The following RAB27B variants were observed in gnomAD, a reference collection of about 807,000 sequenced individuals.
RAB27B encodes the protein ras-related protein Rab-27B.
RAB27B carries 15 observed loss-of-function variants against 24.6 expected under a neutral mutation model. The observed-to-expected ratio is 0.61, with a 90% CI of 0.41 to 0.94. RAB27B has a LOEUF of 0.94. Among genes scored for constraint, RAB27B ranks in the 40% least tolerant of loss-of-function variants. The pLI is 0.00. For missense variants in RAB27B, 261 were observed against 266.8 expected, an observed-to-expected ratio of 0.98 and a Z score of 0.15; for synonymous variants, 105 against 92.5, an observed-to-expected ratio of 1.14 and a Z score of -0.78.
intron 2 of RAB27B, among the ~76,000 whole-genome samples, chr18:54,742,655 G>A (rs1469820285): frequency 6.6e-6 from 1 of 152,164 alleles, no homozygotes; most frequent in Non-Finnish European, 1.5e-5. Context: ...ACAGCTGAGT[G>A]GTAGGTGTAA....
chr18:54,788,050 A>G (rs930459478), intron 2 of RAB27B, among the ~76,000 whole-genome samples: 5 of 152,180 alleles, frequency 3.3e-5, no homozygotes, highest in Admixed American at 1.3e-4. Flanking sequence ...ATGTACATCA[A>G]TGTTTTTGGT....
At chr18:54,719,747 G>A (rs1186038384) in intron 2 of RAB27B, among the ~76,000 whole-genome samples, 1 of 151,942 alleles carries the variant, frequency 6.6e-6, no homozygotes, top group Non-Finnish European at 1.5e-5. Flanking sequence ...TAAACTTTGT[G>A]TTATTAAAGT....
At chr18:54,872,843 C>T (rs1056595288) in intron 1 of RAB27B, among the ~76,000 whole-genome samples, 1 of 152,082 alleles carries the variant, frequency 6.6e-6, no homozygotes, top group African/African-American at 2.4e-5. Flanking sequence ...AATTTATACA[C>T]TCAACAAATA....
chr18:54,752,604 A>G (rs1907869220), intron 2 of RAB27B, among the ~76,000 whole-genome samples: 2 of 152,280 alleles, frequency 1.3e-5, no homozygotes, highest in East Asian at 1.9e-4. Context: ...AAGGTTTTCT[A>G]TTTGGGGTTT....
chr18:54,763,691 A>G (rs1003406591), intron 2 of RAB27B, among the ~76,000 whole-genome samples: 1 of 152,102 alleles, frequency 6.6e-6, no homozygotes, highest in Non-Finnish European at 1.5e-5. Context: ...CTGCCATTTG[A>G]ATGTATTTGA....
chr18:54,841,154 CG>C (rs147175917), intron 1 of RAB27B, among the ~76,000 whole-genome samples: 129 of 8,616 alleles, frequency 0.015, 14 homozygotes, highest in African/African-American at 0.022. Flanking sequence ...CTTTGGGTGG[CG>C]GGGCGGTGGG....
chr18:54,836,237 A>G (rs982021746), intron 1 of RAB27B, among the ~76,000 whole-genome samples: 3 of 151,978 alleles, frequency 2.0e-5, no homozygotes, highest in African/African-American at 7.3e-5. Context: ...TGCTTTGAAG[A>G]TGAATTTCCC....
At chr18:54,783,602 A>C (rs1488517429) in intron 2 of RAB27B, among the ~76,000 whole-genome samples, 1 of 152,024 alleles carries the variant, frequency 6.6e-6, no homozygotes, top group African/African-American at 2.4e-5. Context: ...GATTGTAACA[A>C]ACTCTAGCTT....
chr18:54,887,831 AGATAAGCACATTGTGACTG>A (rs1568117426), intron 4 of RAB27B, among the ~76,000 whole-genome samples, 145 bp from the exon 5 acceptor site: 1 of 152,170 alleles, frequency 6.6e-6, no homozygotes, highest in Non-Finnish European at 1.5e-5. Context: ...TCCGTTTTAC[AGATAAGCACATTGTGACTG>A]GGAAGAGGAA....
intron 2 of RAB27B, among the ~76,000 whole-genome samples, chr18:54,806,663 T>C (rs1251939505): frequency 6.6e-6 from 1 of 151,266 alleles, no homozygotes; most frequent in Non-Finnish European, 1.5e-5. Flanking sequence ...GATGGTTAGA[T>C]TGGCTTTCAG....
In RAB27B at chr18:54,889,458, C is replaced by CT; in HGVS notation, c.*49dup. On this transcript the variant is annotated 3_prime_UTR_variant, in exon 6 of 6. Transcript: ENST00000262094. ...CATCAAGAACCCCACCAAAATATTA[C>CT]TTTTAAAAACAATGACAAACCACAC... 2 of 1,509,588 alleles carry CT rather than the reference C, an allele frequency of 1.3e-6. No homozygotes were observed. Among genetic ancestry groups the CT allele is most frequent in the Non-Finnish European group, 1.8e-6 (2 of 1,120,430 alleles). The allele number at this position is 1,509,588 out of a possible 1,614,324, so 93.5% of individuals were successfully genotyped here. A position where few individuals can be genotyped will look rare whatever the true frequency, so the allele number is the denominator to read the frequency against.
At chr18:54,768,309 C>T (rs1010197696) in intron 2 of RAB27B, among the ~76,000 whole-genome samples, 1 of 152,030 alleles carries the variant, frequency 6.6e-6, no homozygotes, top group African/African-American at 2.4e-5. Context: ...TGGCTTGTGG[C>T]TGGAAGCAGC....
Position 54,832,121 on chromosome 18 carries a change from T to A in RAB27B, c.-20+3421T>A, listed in dbSNP as rs146380848. The stretch of plus-strand genomic sequence containing the variant: ...CTCTGGCTTCCTTGAAGAGACTAAG[T>A]CGTAGGGTGACCAGAGTAGAAGAGA... On this transcript the variant is annotated intron_variant, in intron 1 of 5. Transcript: ENST00000262094. Among the ~76,000 whole-genome samples the A allele has an allele frequency of 8.5e-5, 13 of 152,098 alleles. No individual in the cohort carries two copies. In the East Asian group the frequency reaches 2.3e-3, roughly 27 times the overall value.
At chr18:54,755,152 GGCC>G (rs1568053688) in intron 2 of RAB27B, among the ~76,000 whole-genome samples, 1 of 152,082 alleles carries the variant, frequency 6.6e-6, no homozygotes. Flanking sequence ...CACTTTGAGG[GGCC>G]CAGGCAGGCG....
intron 1 of RAB27B, among the ~76,000 whole-genome samples, chr18:54,849,393 C>T (rs1394486352): frequency 1.3e-5 from 2 of 152,116 alleles, no homozygotes; most frequent in African/African-American, 4.8e-5. Flanking sequence ...ATCTTCTTTC[C>T]TCCCACTCTG....
At chr18:54,856,276 C>T (rs991855676) in intron 1 of RAB27B, among the ~76,000 whole-genome samples, 2 of 152,192 alleles carry the variant, frequency 1.3e-5, no homozygotes, top group African/African-American at 4.8e-5. Flanking sequence ...GTAGAGAGAA[C>T]TGCAGTGCAA....
intron 1 of RAB27B, among the ~76,000 whole-genome samples, chr18:54,832,053 T>C (rs4404157): frequency 0.96 from 145,894 of 152,232 alleles, 70,261 homozygotes; most frequent in East Asian, 1. Context: ...GGATTACAGA[T>C]GTGAGCCACC....
intron 2 of RAB27B, among the ~76,000 whole-genome samples, chr18:54,754,466 T>C (rs746496244): frequency 2.0e-5 from 3 of 152,154 alleles, no homozygotes; most frequent in Non-Finnish European, 4.4e-5. Flanking sequence ...CGTTCTTGGA[T>C]CTAGTGCAGA....
At chr18:54,795,082 G>A (rs1909373254) in intron 2 of RAB27B, among the ~76,000 whole-genome samples, 1 of 152,144 alleles carries the variant, frequency 6.6e-6, no homozygotes, top group South Asian at 2.1e-4. Flanking sequence ...GATGGAAATT[G>A]AGCTTTAGAG....
Sources: allele counts gnomAD v4.1 joint callset (sites outside exome capture counted in the v4.1 genomes callset), GRCh38; gene constraint gnomAD v4.1.1; transcripts MANE v1.5; gene names NCBI Gene and HGNC (gene_info 2026-07-23, HGNC 2026-07-21).